FUT4: variants seen among roughly 807,000 people sequenced by gnomAD.
FUT4 encodes the protein fucosyltransferase 4, also known as alpha-(1,3)-fucosyltransferase 4.
Under a neutral mutation model 3.8 loss-of-function variants are expected in FUT4, and 1 was observed. The observed-to-expected ratio is 0.26, with a 90% CI of 0.09 to 1.25. FUT4 has a LOEUF of 1.25. Among genes scored for constraint, FUT4 ranks in the 50% most tolerant of loss-of-function variants. The probability of loss-of-function intolerance (pLI) is 0.47; values close to 1 mark genes in which losing one functional copy is unlikely to be tolerated. For missense variants in FUT4, 880 were observed against 768.2 expected (o/e 1.15, Z -1.72); for synonymous variants, 417 against 355.3 (o/e 1.17, Z -1.95).
rs1169076194 is a variant in FUT4 at position 94,544,407 on chromosome 11, C to G, written c.274C>G (p.Arg92Gly). 5 of 1,528,214 alleles carry G rather than the reference C, an allele frequency of 3.3e-6. No homozygotes were observed. The East Asian group carries it at 1.3e-4, about 39-fold the overall frequency. The allele number at this position is 1,528,214 out of a possible 1,614,324, so 94.7% of individuals were successfully genotyped here. A position where few individuals can be genotyped will look rare whatever the true frequency, so the allele number is the denominator to read the frequency against. ...APFHSRASGERQRRLEPQLQH... is the reference protein window; with the variant it reads ...APFHSRASGEGQRRLEPQLQH... ...CTTCCATTCCCGGGCCAGCGGCGAGCGGCAGCGACGGCTGGAGCCGCAGCT... is the reference window on the plus strand; with the variant it reads ...CTTCCATTCCCGGGCCAGCGGCGAGGGGCAGCGACGGCTGGAGCCGCAGCT... Residue 92 changes from arginine to glycine, a missense_variant, in exon 1 of 1, where the codon CGG (arginine) becomes GGG (glycine). Physicochemically the swap from Arg to Gly is moderately radical, Grantham distance 125. Coordinates refer to ENST00000358752, the MANE Select transcript of FUT4 (RefSeq NM_002033.4).
At position 94,544,633 on chromosome 11, in the gene FUT4, T is replaced by C. The variant is rs760605349; in HGVS notation, c.500T>C (p.Ile167Thr). 6.6e-7 allele frequency: 1 copy of C among 1,508,340 alleles called. No homozygotes were observed. Among genetic ancestry groups the C allele is most frequent in the Non-Finnish European group, 8.8e-7 (1 of 1,141,400 alleles). The allele number at this position is 1,508,340 out of a possible 1,614,324, so 93.4% of individuals were successfully genotyped here. The part of the protein sequence containing the change: ...AAAGLTCTAL[I>T]TYACWGQLPP... ...GCCGGCTTGACGTGTACGGCGCTGA[T>C]CACCTACGCTTGCTGGGGGCAGCTG... Residue 167 changes from isoleucine (I) to threonine (T), a missense_variant, in exon 1 of 1, where the codon ATC (isoleucine) becomes ACC (threonine). Ile to Thr is a moderately conservative substitution (Grantham distance 89, BLOSUM62 -1). Transcript: ENST00000358752.
chr11:94,545,026 A>C lies in FUT4; in HGVS notation c.893A>C (p.Glu298Ala), dbSNP rs750507692. 1.9e-6 allele frequency: 3 copies of C among 1,610,154 alleles called. No homozygotes were observed. Among genetic ancestry groups the C allele is most frequent in the Non-Finnish European group, 2.5e-6 (3 of 1,178,114 alleles). The change falls in exon 1 of 1, where the codon GAG becomes GCG. Residue 298 changes from glutamate (E) to alanine (A), a missense_variant. Glu to Ala is a moderately radical substitution (Grantham distance 107, BLOSUM62 -1). Around this residue, in one of 3 missense-constraint regions of FUT4, gnomAD observed 424 missense variants for 400.4 expected, o/e 1.06. Coordinates refer to ENST00000358752, the MANE Select transcript of FUT4 (RefSeq NM_002033.4). ...CAGCGCTGGGTTTGGATGAACTTCG[A>C]GTCGCCCTCGCACTCCCCGGGGCTG... ...PGQRWVWMNF[E>A]SPSHSPGLRS... is the part of the protein sequence containing the mutation.
rs961327414 is a variant in FUT4, at chr11:94,545,038, A to G, written c.905A>G (p.His302Arg). Residue 302 changes from histidine to arginine, a missense_variant, in exon 1 of 1, where the codon CAC becomes CGC. Physicochemically the swap from His to Arg is conservative, Grantham distance 29. Coordinates refer to ENST00000358752, the MANE Select transcript of FUT4 (RefSeq NM_002033.4). ...WVWMNFESPS[H>R]SPGLRSLASN... is the part of the protein sequence containing the mutation. ...TGGATGAACTTCGAGTCGCCCTCGC[A>G]CTCCCCGGGGCTGCGAAGCCTGGCA... 1.9e-6 allele frequency: 3 copies of G among 1,610,890 alleles called. No individual in the cohort carries two copies. The highest frequency in any genetic ancestry group is 2.5e-6 in the Non-Finnish European group (3 of 1,178,738).
At position 94,548,041 on chromosome 11, in the gene FUT4, A is replaced by T. The variant is rs1244054604; in HGVS notation, c.*2315A>T. The T allele has an allele frequency of 6.0e-6, 1 of 166,828 alleles. No homozygotes were observed. Among genetic ancestry groups the T allele is most frequent in the Non-Finnish European group, 1.5e-5 (1 of 68,136 alleles). 10.3% of individuals were successfully genotyped at this position (166,828 alleles called of 1,614,324 possible). A position where few individuals can be genotyped will look rare whatever the true frequency, so the allele number is the denominator to read the frequency against. On this transcript the variant is annotated 3_prime_UTR_variant, in exon 1 of 1. Transcript: ENST00000358752. Reference sequence around the variant, plus strand: ...GTATGTTGTAGAATAAATTAAAAGGATAATCTAAATCACCATTTAGATTAA... The same window carrying T: ...GTATGTTGTAGAATAAATTAAAAGGTTAATCTAAATCACCATTTAGATTAA...
At position 94,546,142 on chromosome 11, in the gene FUT4, G is replaced by C; in HGVS notation, c.*416G>C. ...AACTGTTCCCGATTCACGTTTTTCTGGACCAAGGTGAAGCAAATTTGTGGT... is the reference window on the plus strand; with the variant it reads ...AACTGTTCCCGATTCACGTTTTTCTCGACCAAGGTGAAGCAAATTTGTGGT... On this transcript the variant is annotated 3_prime_UTR_variant, in exon 1 of 1. Transcript: ENST00000358752. The C allele has an allele frequency of 2.9e-6, 1 of 348,602 alleles. No homozygotes were observed. The highest frequency in any genetic ancestry group is 5.9e-6 in the Non-Finnish European group (1 of 169,334). The allele number at this position is 348,602 out of a possible 1,614,324, so 21.6% of individuals were successfully genotyped here.
chr11:94,548,905 C>A lies in FUT4; in HGVS notation c.*3179C>A, dbSNP rs904651908. 2 of 166,964 alleles carry A rather than the reference C, an allele frequency of 1.2e-5. No individual in the cohort carries two copies. The highest frequency in any genetic ancestry group is 4.8e-5 in the African/African-American group (2 of 41,446). 10.3% of individuals were successfully genotyped at this position (166,964 alleles called of 1,614,324 possible). ...TTCCAGTTTCCAAGTCTTTTCCTAG[C>A]AGTAATTTAGGGGAGACAGAGGAGT... is the stretch of plus-strand genomic sequence containing the variant. On this transcript the variant is annotated 3_prime_UTR_variant, in exon 1 of 1. Transcript: ENST00000358752.
At position 94,545,967 on chromosome 11, in the gene FUT4, T is replaced by C. The variant is rs550959366; in HGVS notation, c.*241T>C. On this transcript the variant is annotated 3_prime_UTR_variant, in exon 1 of 1. Coordinates refer to ENST00000358752, the MANE Select transcript of FUT4 (RefSeq NM_002033.4). ...TTTGCTGCTGATGGGCATCATTGTT[T>C]AGGGGTGAAGGAGGGGGTTCTTCCT... 3.0e-6 allele frequency: 2 copies of C among 671,290 alleles called. No homozygotes were observed. Among genetic ancestry groups the C allele is most frequent in the Non-Finnish European group, 5.6e-6 (2 of 358,614 alleles). 41.6% of individuals were successfully genotyped at this position (671,290 alleles called of 1,614,324 possible). A position where few individuals can be genotyped will look rare whatever the true frequency, so the allele number is the denominator to read the frequency against.
Position 94,545,849 on chromosome 11 carries a change from A to G in FUT4, c.*123A>G, listed in dbSNP as rs1460110912. On this transcript the variant is annotated 3_prime_UTR_variant, in exon 1 of 1. Transcript: ENST00000358752. ...TTCTTCAAACACCCATTTTTGCTCT[A>G]TGGGAAAAAAACGATTTACCAATTA... is the stretch of plus-strand genomic sequence containing the variant. The G allele has an allele frequency of 4.9e-6, 6 of 1,231,054 alleles. No homozygotes were observed. In the Admixed American group the frequency reaches 7.9e-5, roughly 16 times the overall value. 76.3% of individuals were successfully genotyped at this position (1,231,054 alleles called of 1,614,324 possible). A position where few individuals can be genotyped will look rare whatever the true frequency, so the allele number is the denominator to read the frequency against.
In FUT4 at chr11:94,545,291, CGGCCGGGGCG is replaced by C. The variant is rs766156091; in HGVS notation, c.1168_1177del (p.Gly390SerfsTer164). The C allele has an allele frequency of 1.5e-4, 242 of 1,611,812 alleles. No individual in the cohort carries two copies. The highest frequency in any genetic ancestry group is 1.9e-4 in the Non-Finnish European group (230 of 1,179,888). ...GCCAACATGTGACCGTGGACGTGTT[CGGCCGGGGCG>C]GGCCGGGGCAGCCGGTGCCCGAAAT... On this transcript the variant is annotated frameshift_variant, in exon 1 of 1. Transcript: ENST00000358752. LOFTEE classifies it low-confidence loss of function (END_TRUNC).
rs575644812 is a variant in FUT4 at position 94,546,261 on chromosome 11, A to C, written c.*535A>C. On this transcript the variant is annotated 3_prime_UTR_variant, in exon 1 of 1. Transcript: ENST00000358752. ...TCCTCACAGCCTTGGCTCCTGAGAA[A>C]GGTGAGGAGGGCAGTCCAAGAGGGG... is the stretch of plus-strand genomic sequence containing the variant. The C allele has an allele frequency of 3.6e-6, 1 of 279,672 alleles. No homozygotes were observed. 17.3% of individuals were successfully genotyped at this position (279,672 alleles called of 1,614,324 possible). A position where few individuals can be genotyped will look rare whatever the true frequency, so the allele number is the denominator to read the frequency against.
At position 94,549,559 on chromosome 11, in the gene FUT4, C is replaced by T. The variant is rs1473027650; in HGVS notation, c.*3833C>T. 6.0e-6 allele frequency: 1 copy of T among 166,988 alleles called. No individual in the cohort carries two copies. The highest frequency in any genetic ancestry group is 1.5e-5 in the Non-Finnish European group (1 of 68,108). 10.3% of individuals were successfully genotyped at this position (166,988 alleles called of 1,614,324 possible). ...GCTTATCTGCTTTCCAATGTGGCTT[C>T]CTTACAGTCTGGAACTGACAATATG... On this transcript the variant is annotated 3_prime_UTR_variant, in exon 1 of 1. Coordinates refer to ENST00000358752, the MANE Select transcript of FUT4 (RefSeq NM_002033.4).
rs1406164726 is a variant in FUT4 at position 94,545,912 on chromosome 11, A to AT, written c.*192dup. 12 of 795,174 alleles carry AT rather than the reference A, an allele frequency of 1.5e-5. No homozygotes were observed. The highest frequency in any genetic ancestry group is 2.4e-5 in the Non-Finnish European group (11 of 459,334). 49.3% of individuals were successfully genotyped at this position (795,174 alleles called of 1,614,324 possible). On this transcript the variant is annotated 3_prime_UTR_variant, in exon 1 of 1. Coordinates refer to ENST00000358752, the MANE Select transcript of FUT4 (RefSeq NM_002033.4). The stretch of plus-strand genomic sequence containing the variant: ...ACAGAGATGGGGGCCCGGTTTCCAT[A>AT]TTTTTTGCACAGCTAGCAATTGGGC...
Position 94,545,742 on chromosome 11 carries a change from G to A in FUT4, c.*16G>A. On this transcript the variant is annotated 3_prime_UTR_variant, in exon 1 of 1. Coordinates refer to ENST00000358752, the MANE Select transcript of FUT4 (RefSeq NM_002033.4). ...CGAGCGGTGAAGCCGCGCTCCCCTG[G>A]AAGCGACCCAGGGGAGGCCAAGTTG... The A allele has an allele frequency of 6.2e-7, 1 of 1,604,710 alleles. No individual in the cohort carries two copies. The highest frequency in any genetic ancestry group is 8.5e-7 in the Non-Finnish European group (1 of 1,176,260).
In FUT4 at chr11:94,545,838, A is replaced by G. The variant is rs1947855932; in HGVS notation, c.*112A>G. On this transcript the variant is annotated 3_prime_UTR_variant, in exon 1 of 1. Transcript: ENST00000358752. ...ATGGGAGTAAGTTCTTCAAACACCC[A>G]TTTTTGCTCTATGGGAAAAAAACGA... 3.8e-6 allele frequency: 5 copies of G among 1,298,996 alleles called. No homozygotes were observed. Among genetic ancestry groups the G allele is most frequent in the African/African-American group, 2.9e-5 (2 of 68,252 alleles). 80.5% of individuals were successfully genotyped at this position (1,298,996 alleles called of 1,614,324 possible).
Position 94,545,602 on chromosome 11 carries a change from G to C in FUT4, c.1469G>C (p.Arg490Pro), listed in dbSNP as rs1947852403. ...TATCGCCGCTACTTCCACTGGCGCC[G>C]GAGCTACGCTGTCCACATCACCTCC... ...AVYRRYFHWRRSYAVHITSFW... is the reference protein window; with the variant it reads ...AVYRRYFHWRPSYAVHITSFW... Residue 490 changes from arginine to proline, a missense_variant, in exon 1 of 1, where the codon CGG (arginine) becomes CCG (proline). Coordinates refer to ENST00000358752, the MANE Select transcript of FUT4 (RefSeq NM_002033.4). The C allele has an allele frequency of 3.7e-6, 6 of 1,613,326 alleles. No homozygotes were observed. The South Asian group carries it at 6.6e-5, about 18-fold the overall frequency.
At position 94,544,972 on chromosome 11, in the gene FUT4, T is replaced by C; in HGVS notation, c.839T>C (p.Leu280Pro). 6.2e-7 allele frequency: 1 copy of C among 1,606,224 alleles called. No homozygotes were observed. The highest frequency in any genetic ancestry group is 1.7e-5 in the Admixed American group (1 of 59,296). Reference sequence around the variant, plus strand: ...GAGGCAGCGGCGGCGGCAGAAGCCCTGGCGACCTCCAGCCCCAGGCCCCCG... The same window carrying C: ...GAGGCAGCGGCGGCGGCAGAAGCCCCGGCGACCTCCAGCCCCAGGCCCCCG... ...YEEAAAAAEA[L>P]ATSSPRPPGQ... Residue 280 changes from leucine (L) to proline (P), a missense_variant, in exon 1 of 1, where the codon CTG (leucine) becomes CCG (proline). Physicochemically the swap from Leu to Pro is moderately conservative, Grantham distance 98 (BLOSUM62 -3). Coordinates refer to ENST00000358752, the MANE Select transcript of FUT4 (RefSeq NM_002033.4).
At position 94,547,234 on chromosome 11, in the gene FUT4, G is replaced by A. The variant is rs1947873451; in HGVS notation, c.*1508G>A. 1 of 166,898 alleles carries A rather than the reference G, an allele frequency of 6.0e-6. No individual in the cohort carries two copies. The highest frequency in any genetic ancestry group is 1.5e-5 in the Non-Finnish European group (1 of 68,106). 10.3% of individuals were successfully genotyped at this position (166,898 alleles called of 1,614,324 possible). On this transcript the variant is annotated 3_prime_UTR_variant, in exon 1 of 1. Coordinates refer to ENST00000358752, the MANE Select transcript of FUT4 (RefSeq NM_002033.4). ...ATCTATCACTTCCAAAAAGTAAATG[G>A]TGACTGATAAAACAATTGGCAGAAC...
In FUT4 at chr11:94,543,992, C is replaced by A. The variant is rs2135195639; in HGVS notation, c.-142C>A. ...CTGCGCGGCAGCTGCTTTAGAAGGT[C>A]TCGAGCCTCCTGTACCTTCCCAGGG... On this transcript the variant is annotated 5_prime_UTR_variant, in exon 1 of 1. Coordinates refer to ENST00000358752, the MANE Select transcript of FUT4 (RefSeq NM_002033.4). 1.7e-6 allele frequency: 2 copies of A among 1,181,682 alleles called. No individual in the cohort carries two copies. Among genetic ancestry groups the A allele is most frequent in the African/African-American group, 3.2e-5 (2 of 62,690 alleles). The allele number at this position is 1,181,682 out of a possible 1,614,324, so 73.2% of individuals were successfully genotyped here.
Position 94,545,729 on chromosome 11 carries a change from C to A in FUT4, c.*3C>A. On this transcript the variant is annotated 3_prime_UTR_variant, in exon 1 of 1. Coordinates refer to ENST00000358752, the MANE Select transcript of FUT4 (RefSeq NM_002033.4). ...TGGCCAGCTGGTTCGAGCGGTGAAG[C>A]CGCGCTCCCCTGGAAGCGACCCAGG... 1 of 1,609,232 alleles carries A rather than the reference C, an allele frequency of 6.2e-7. No individual in the cohort carries two copies. The highest frequency in any genetic ancestry group is 1.7e-5 in the Admixed American group (1 of 59,442).
Sources: allele counts gnomAD v4.1 joint callset, GRCh38; gene constraint gnomAD v4.1.1; regional missense constraint gnomAD v4.1.1; transcripts MANE v1.5; gene names NCBI Gene and HGNC (gene_info 2026-07-23, HGNC 2026-07-21).